Variants in KAT6B observed in about 807,000 individuals in gnomAD.
KAT6B encodes lysine acetyltransferase 6B, also known as histone acetyltransferase KAT6B.
A neutral mutation model predicts 187.5 loss-of-function variants in KAT6B; 10 were observed. The ratio of observed to expected loss-of-function variants is 0.05; its 90% CI spans 0.03 to 0.09. The LOEUF (loss-of-function observed/expected upper bound fraction) is 0.09, where lower values mean the gene tolerates loss of function less well. Among genes scored for constraint, KAT6B ranks in the 10% least tolerant of loss-of-function variants. KAT6B has a pLI of 1.00. For synonymous variants in KAT6B, 861 were observed against 926.8 expected (o/e 0.93, Z 1.29); for missense variants, 1,952 against 2,558.9 (o/e 0.76, Z 5.12).
intron 3 of KAT6B, among the ~76,000 whole-genome samples, chr10:74,958,491 A>G (rs1840844163): frequency 6.6e-6 from 1 of 152,210 alleles, no homozygotes; most frequent in East Asian, 1.9e-4. Flanking sequence ...TGGCTAGCAG[A>G]CAACATGTGT....
intron 3 of KAT6B, among the ~76,000 whole-genome samples, chr10:74,892,980 C>T (rs1845741469): frequency 6.6e-6 from 1 of 152,242 alleles, no homozygotes; most frequent in Admixed American, 6.5e-5. Context: ...TGGTGGTCTA[C>T]ATGGAGGACA....
intron 3 of KAT6B, among the ~76,000 whole-genome samples, chr10:74,921,959 T>G (rs1167001215): frequency 6.6e-6 from 1 of 152,204 alleles, no homozygotes; most frequent in African/African-American, 2.4e-5. Context: ...GTCTTGCACA[T>G]GTAGCTATGG....
At position 74,980,035 on chromosome 10, in the gene KAT6B, T is replaced by C. The variant is rs183109625; in HGVS notation, c.2231+696T>C. ...TTAGCCAGACGTGATAGGACATGCC[T>C]GTAATCCCAGCTACTCGGGAGGCTG... On this transcript the variant is annotated intron_variant, in intron 10 of 17. Coordinates refer to ENST00000287239, the MANE Select transcript of KAT6B (RefSeq NM_012330.4). Among the ~76,000 whole-genome samples the C allele has an allele frequency of 4.1e-4, 63 of 152,272 alleles. No individual in the cohort carries two copies. The East Asian group carries it at 4.6e-3, about 11-fold the overall frequency.
intron 13 of KAT6B, among the ~76,000 whole-genome samples, chr10:74,990,829 C>A (rs1163662853): frequency 6.6e-6 from 1 of 152,216 alleles, no homozygotes; most frequent in African/African-American, 2.4e-5. Flanking sequence ...TATATGCCTA[C>A]AGAATAAGGC....
chr10:74,879,691 C>G (rs1444945069), intron 3 of KAT6B, among the ~76,000 whole-genome samples: 1 of 152,236 alleles, frequency 6.6e-6, no homozygotes, highest in Non-Finnish European at 1.5e-5. Flanking sequence ...CCCCCTGTTA[C>G]TGAAGCTTCT....
chr10:74,865,496 A>T (rs1445586444), intron 3 of KAT6B, among the ~76,000 whole-genome samples: 1 of 151,554 alleles, frequency 6.6e-6, no homozygotes, highest in African/African-American at 2.4e-5. Flanking sequence ...CCAGTTTTAT[A>T]CAATCTGTAT....
intron 3 of KAT6B, among the ~76,000 whole-genome samples, chr10:74,845,446 C>T (rs561493378): frequency 2.0e-4 from 29 of 146,244 alleles, no homozygotes; most frequent in Admixed American, 9.2e-4. Flanking sequence ...CCCTTAAACC[C>T]GGGAGGCAGA....
chr10:74,924,737 T>C (rs1316732796), intron 3 of KAT6B, among the ~76,000 whole-genome samples: 2 of 152,220 alleles, frequency 1.3e-5, no homozygotes, highest in African/African-American at 4.8e-5. Context: ...CCTACTATGC[T>C]GATTGGACAT....
chr10:74,930,759 G>T (rs1848813090), intron 3 of KAT6B, among the ~76,000 whole-genome samples: 1 of 152,114 alleles, frequency 6.6e-6, no homozygotes, highest in Non-Finnish European at 1.5e-5. Context: ...TTTGAGCATG[G>T]GTTGGAGTTT....
At chr10:74,840,375 T>TC in intron 2 of KAT6B, among the ~76,000 whole-genome samples, 1 of 152,328 alleles carries the variant, frequency 6.6e-6, no homozygotes, top group Non-Finnish European at 1.5e-5. Flanking sequence ...TTAGTGGTTT[T>TC]CAAAAGGTAC....
chr10:74,949,189 A>T, intron 3 of KAT6B, among the ~76,000 whole-genome samples: 1 of 152,230 alleles, frequency 6.6e-6, no homozygotes, highest in East Asian at 1.9e-4. Flanking sequence ...TGTAAATCCT[A>T]AACAGACTTC....
chr10:75,002,387 AAAC>A (rs1424205820), intron 13 of KAT6B, among the ~76,000 whole-genome samples: 8 of 152,000 alleles, frequency 5.3e-5, no homozygotes, highest in African/African-American at 1.9e-4. Context: ...CAAAAAAAAA[AAAC>A]AACAACAAAC....
At chr10:74,955,920 C>T (rs1840656795) in intron 3 of KAT6B, among the ~76,000 whole-genome samples, 4 of 152,028 alleles carry the variant, frequency 2.6e-5, no homozygotes, top group Non-Finnish European at 4.4e-5. Context: ...ATTGGTCCTG[C>T]CCCCTGCCTC....
intron 3 of KAT6B, among the ~76,000 whole-genome samples, chr10:74,843,906 C>T (rs1028768416): frequency 6.6e-6 from 1 of 152,254 alleles, no homozygotes; most frequent in Admixed American, 6.5e-5. Context: ...CAGAATCTAG[C>T]TCTGTCGCCT....
intron 13 of KAT6B, among the ~76,000 whole-genome samples, chr10:75,020,245 G>GAATC (rs1845294351): frequency 6.6e-6 from 1 of 152,222 alleles, no homozygotes. Flanking sequence ...GTTTTTGAAA[G>GAATC]AATCTAAAGC....
intron 10 of KAT6B, among the ~76,000 whole-genome samples, chr10:74,981,189 G>T (rs1420653656): frequency 1.3e-5 from 2 of 152,024 alleles, no homozygotes; most frequent in Non-Finnish European, 2.9e-5. Context: ...TATTTTTAAG[G>T]AAACAAATTA....
At chr10:74,973,607 C>T (rs1841979456) in intron 7 of KAT6B, among the ~76,000 whole-genome samples, 1 of 152,188 alleles carries the variant, frequency 6.6e-6, no homozygotes, top group South Asian at 2.1e-4. Flanking sequence ...ATCTTATTTG[C>T]TCTCAGAAAA....
chr10:74,950,935 A>G (rs960796943), intron 3 of KAT6B, among the ~76,000 whole-genome samples: 2 of 152,100 alleles, frequency 1.3e-5, no homozygotes, highest in Non-Finnish European at 2.9e-5. Flanking sequence ...CAACATGGTG[A>G]AACCTCATCT....
At position 75,030,059 on chromosome 10, in the gene KAT6B, C is replaced by T. The variant is rs894650958; in HGVS notation, c.5235C>T (p.Thr1745=). ...AAACCAGCATCAGCTCCCCTCCGAC[C>T]TGCAGCGTCAAGTCTCCTCAAGGCT... The part of the protein sequence containing the change: ...LQQTSISSPP[T]CSVKSPQGCV... Residue 1745 remains threonine (T), a synonymous_variant, in exon 18 of 18, where the codon ACC becomes ACT. Transcript: ENST00000287239. The surrounding 1 kb of genome is among the most constrained non-coding windows in gnomAD (Gnocchi z 4.8). The T allele has an allele frequency of 2.5e-6, 4 of 1,614,114 alleles. No homozygotes were observed. Among genetic ancestry groups the T allele is most frequent in the Admixed American group, 3.3e-5 (2 of 60,012 alleles).
Sources: gnomAD v4.1 joint callset for allele counts (sites outside exome capture counted in the v4.1 genomes callset) on GRCh38, gnomAD v4.1.1 for gene constraint, Gnocchi (gnomAD v3.1) non-coding constraint, MANE v1.5 for transcripts, NCBI Gene and HGNC (gene_info 2026-07-23, HGNC 2026-07-21) for gene names.